ZFAND3: variants seen among roughly 807,000 people sequenced by gnomAD.
ZFAND3 encodes AN1-type zinc finger protein 3.
A neutral mutation model predicts 29.6 loss-of-function variants in ZFAND3; 10 were observed. The ratio of observed to expected loss-of-function variants is 0.34; its 90% CI spans 0.21 to 0.57. ZFAND3 has a LOEUF of 0.57. ZFAND3 is among the 20% of genes least tolerant of loss of function. The pLI is 0.86. For missense variants in ZFAND3, 230 were observed against 304.5 expected, an observed-to-expected ratio of 0.76 and a Z score of 1.82; for synonymous variants, 128 against 112.6, an observed-to-expected ratio of 1.14 and a Z score of -0.87.
At chr6:37,960,271 C>T (rs1287237109) in intron 2 of ZFAND3, among the ~76,000 whole-genome samples, 2 of 152,214 alleles carry the variant, frequency 1.3e-5, no homozygotes, top group African/African-American at 4.8e-5. Context: ...CAAAGCTGTC[C>T]TGCAACACAG....
intron 2 of ZFAND3, among the ~76,000 whole-genome samples, chr6:37,942,520 CT>C (rs1233044791): frequency 6.6e-6 from 1 of 152,020 alleles, no homozygotes; most frequent in African/African-American, 2.4e-5. Context: ...ATGTCAGCCT[CT>C]TTTTATTTTT....
At chr6:37,971,643 A>G (rs569226796) in intron 2 of ZFAND3, among the ~76,000 whole-genome samples, 1 of 152,228 alleles carries the variant, frequency 6.6e-6, no homozygotes, top group East Asian at 1.9e-4. Flanking sequence ...CAATGGCTTC[A>G]TCTTGCATTT....
At chr6:37,888,660 A>T (rs568900647) in intron 1 of ZFAND3, among the ~76,000 whole-genome samples, 1 of 152,194 alleles carries the variant, frequency 6.6e-6, no homozygotes, top group Admixed American at 6.5e-5. Flanking sequence ...ATTTCCCTGG[A>T]TATGTTTTAC....
At chr6:37,893,627 C>T (rs1765143965) in intron 1 of ZFAND3, among the ~76,000 whole-genome samples, 1 of 152,140 alleles carries the variant, frequency 6.6e-6, no homozygotes, top group Non-Finnish European at 1.5e-5. Flanking sequence ...AATCTCGGCT[C>T]ACTGCAACCT....
chr6:37,879,861 C>T (rs1423745882), intron 1 of ZFAND3, among the ~76,000 whole-genome samples: 2 of 152,166 alleles, frequency 1.3e-5, no homozygotes, highest in Non-Finnish European at 2.9e-5. Context: ...AAGATGTTGG[C>T]TTGGAACTTT....
chr6:37,923,569 G>A (rs1243478635), intron 1 of ZFAND3, among the ~76,000 whole-genome samples: 1 of 152,108 alleles, frequency 6.6e-6, no homozygotes, highest in Non-Finnish European at 1.5e-5. Context: ...ATAAAGTATA[G>A]TAAATACACA....
At chr6:37,856,677 T>C (rs1764389487) in intron 1 of ZFAND3, among the ~76,000 whole-genome samples, 1 of 152,178 alleles carries the variant, frequency 6.6e-6, no homozygotes, top group Non-Finnish European at 1.5e-5. Context: ...AATACCTTTG[T>C]ATTTCATAAA....
chr6:38,087,282 A>G (rs954726729), intron 4 of ZFAND3, among the ~76,000 whole-genome samples: 1 of 152,156 alleles, frequency 6.6e-6, no homozygotes, highest in African/African-American at 2.4e-5. Context: ...GGTCTGGGCA[A>G]AAATTTCTTG....
chr6:37,956,270 C>T (rs1051821239), intron 2 of ZFAND3, among the ~76,000 whole-genome samples: 2 of 152,204 alleles, frequency 1.3e-5, no homozygotes, highest in Non-Finnish European at 2.9e-5. Flanking sequence ...CTGGGCCACA[C>T]TCTACAGAGT....
chr6:37,967,827 T>G (rs1410595058), intron 2 of ZFAND3, among the ~76,000 whole-genome samples: 2 of 152,198 alleles, frequency 1.3e-5, no homozygotes, highest in Non-Finnish European at 2.9e-5. Context: ...TTTTTCCTTT[T>G]TAAGTGTTGA....
chr6:37,820,047 CGGGGG>C (rs1460437636), intron 1 of ZFAND3, 31 bp downstream of exon 1: 4 of 417,474 alleles, frequency 9.6e-6, no homozygotes, highest in African/African-American at 8.0e-5. Context: ...GGGCGGGGGG[CGGGGG>C]CCGGGGGCGC....
chr6:38,057,550 C>T (rs942263834), intron 2 of ZFAND3, among the ~76,000 whole-genome samples: 10 of 152,158 alleles, frequency 6.6e-5, no homozygotes, highest in African/African-American at 2.4e-4. Flanking sequence ...TCCACATTTT[C>T]CTGAGAGGTA....
intron 1 of ZFAND3, among the ~76,000 whole-genome samples, chr6:37,842,534 A>G (rs569845646): frequency 8.5e-5 from 13 of 152,300 alleles, no homozygotes; most frequent in African/African-American, 2.9e-4. Flanking sequence ...ATTTCATTGT[A>G]TAACTATACA....
At chr6:37,994,151 A>G (rs768519560) in intron 2 of ZFAND3, among the ~76,000 whole-genome samples, 4 of 151,692 alleles carry the variant, frequency 2.6e-5, no homozygotes, top group Non-Finnish European at 4.4e-5. Flanking sequence ...GGCTTCTGTT[A>G]CAAAAAATAT....
chr6:37,907,053 A>ATT (rs34394275), intron 1 of ZFAND3, among the ~76,000 whole-genome samples: 25 of 151,204 alleles, frequency 1.7e-4, no homozygotes, highest in South Asian at 1.5e-3. Flanking sequence ...CTTTTAATGT[A>ATT]TTTTTTTTTG....
At chr6:37,897,974 C>T (rs1447041244) in intron 1 of ZFAND3, among the ~76,000 whole-genome samples, 1 of 152,180 alleles carries the variant, frequency 6.6e-6, no homozygotes, top group African/African-American at 2.4e-5. Flanking sequence ...TTGCAGCTAT[C>T]TTCTCCCAAT....
At chr6:37,979,720 T>A (rs1762549181) in intron 2 of ZFAND3, among the ~76,000 whole-genome samples, 1 of 152,190 alleles carries the variant, frequency 6.6e-6, no homozygotes. Context: ...AGTTTTTTCG[T>A]ATGCATGTGC....
chr6:38,038,832 A>G (rs1363523426), intron 2 of ZFAND3, among the ~76,000 whole-genome samples: 5 of 152,172 alleles, frequency 3.3e-5, no homozygotes, highest in African/African-American at 1.2e-4. Context: ...AAAGGAGCTG[A>G]ATCTATATCA....
chr6:37,906,704 T>TG (rs1408341234), intron 1 of ZFAND3, among the ~76,000 whole-genome samples: 1 of 151,744 alleles, frequency 6.6e-6, no homozygotes, highest in Non-Finnish European at 1.5e-5. Context: ...CTTTCTGTTT[T>TG]TTTTTTTTTT....
Sources: gnomAD v4.1 joint callset for allele counts (sites outside exome capture counted in the v4.1 genomes callset) on GRCh38, gnomAD v4.1.1 for gene constraint, MANE v1.5 for transcripts, NCBI Gene and HGNC (gene_info 2026-07-23, HGNC 2026-07-21) for gene names.